The following SNTG1 variants were observed in gnomAD, a reference collection of about 807,000 sequenced individuals.
SNTG1 encodes the protein syntrophin gamma 1, also known as gamma-1-syntrophin.
A neutral mutation model predicts 74.7 loss-of-function variants in SNTG1; 39 were observed. The observed-to-expected ratio is 0.52, with a 90% CI of 0.40 to 0.68. The LOEUF (loss-of-function observed/expected upper bound fraction) is 0.68. SNTG1 is among the 30% of genes least tolerant of loss of function. The pLI is 0.00. For missense variants in SNTG1, 685 were observed against 609.5 expected, an observed-to-expected ratio of 1.12 and a Z score of -1.30; for synonymous variants, 254 against 217.1, an observed-to-expected ratio of 1.17 and a Z score of -1.49.
intron 18 of SNTG1, among the ~76,000 whole-genome samples, chr8:50,763,675 T>A: frequency 6.7e-6 from 1 of 148,720 alleles, no homozygotes; most frequent in East Asian, 2.1e-4. Context: ...TGTGTGTGTG[T>A]GTGTGTGTGT....
chr8:50,650,039 G>A (rs1043235539), intron 13 of SNTG1, among the ~76,000 whole-genome samples: 8 of 150,992 alleles, frequency 5.3e-5, no homozygotes, highest in Admixed American at 2.6e-4. Context: ...GATTGTTAGT[G>A]GTGGTAGTGT....
At chr8:50,319,306 G>C (rs1233455049) in intron 2 of SNTG1, among the ~76,000 whole-genome samples, 4 of 152,144 alleles carry the variant, frequency 2.6e-5, no homozygotes, top group Non-Finnish European at 5.9e-5. Flanking sequence ...GGAGATTTCA[G>C]TGAGCTGAGA....
At chr8:50,739,024 C>G (rs1038090625) in intron 17 of SNTG1, among the ~76,000 whole-genome samples, 1 of 151,988 alleles carries the variant, frequency 6.6e-6, no homozygotes. Flanking sequence ...ATGACTAAGA[C>G]ACAAAAAGCA....
intron 4 of SNTG1, among the ~76,000 whole-genome samples, chr8:50,413,527 T>C (rs1468385593): frequency 1.3e-5 from 2 of 152,204 alleles, no homozygotes; most frequent in African/African-American, 4.8e-5. Context: ...CGCCCCATGG[T>C]AATCTGCTGT....
intron 12 of SNTG1, among the ~76,000 whole-genome samples, chr8:50,567,119 A>C (rs941858739): frequency 1.3e-4 from 20 of 152,060 alleles, no homozygotes; most frequent in African/African-American, 4.8e-4. Context: ...ATGTTGATGA[A>C]ACTGGACAAA....
intron 13 of SNTG1, among the ~76,000 whole-genome samples, chr8:50,594,999 G>T (rs10092765): frequency 0.96 from 146,432 of 151,924 alleles, 70,616 homozygotes; most frequent in East Asian, 1. Flanking sequence ...TTTAATTCAT[G>T]AAATTTTAGC....
intron 1 of SNTG1, among the ~76,000 whole-genome samples, chr8:50,053,107 T>G (rs1819715072): frequency 6.6e-6 from 1 of 152,044 alleles, no homozygotes; most frequent in Non-Finnish European, 1.5e-5. Flanking sequence ...TGAACACACA[T>G]TAACAGAAAT....
intron 15 of SNTG1, among the ~76,000 whole-genome samples, chr8:50,703,354 A>C (rs1159336767): frequency 1.3e-5 from 2 of 151,590 alleles, no homozygotes; most frequent in East Asian, 3.9e-4. Flanking sequence ...ATAAGACAGA[A>C]ACACACACAT....
At chr8:50,727,488 C>T (rs933177608) in intron 17 of SNTG1, among the ~76,000 whole-genome samples, 7 of 152,170 alleles carry the variant, frequency 4.6e-5, no homozygotes, top group Admixed American at 1.3e-4. Flanking sequence ...GTGCACATCT[C>T]CCATTCCACA....
intron 2 of SNTG1, among the ~76,000 whole-genome samples, chr8:50,173,404 A>G (rs1051405793): frequency 4.6e-5 from 7 of 152,162 alleles, no homozygotes; most frequent in African/African-American, 1.7e-4. Context: ...GACTTGTAGT[A>G]TGGCTTTAGT....
chr8:49,927,159 G>T (rs1438687987), intron 1 of SNTG1, among the ~76,000 whole-genome samples: 1 of 152,166 alleles, frequency 6.6e-6, no homozygotes, highest in South Asian at 2.1e-4. Context: ...TGGTAGAAAT[G>T]CAAAATGGTA....
At chr8:50,640,277 T>C (rs893817447) in intron 13 of SNTG1, among the ~76,000 whole-genome samples, 4 of 152,148 alleles carry the variant, frequency 2.6e-5, no homozygotes, top group African/African-American at 7.2e-5. Context: ...CCCACTGTCC[T>C]ATTCTGAACA....
Position 49,978,074 on chromosome 8 carries a change from G to A in SNTG1, c.-103+65843G>A, listed in dbSNP as rs578142573. ...GCCTGTTGCCAACCCAGCTCACAACGGTCCACTCAACCTAATGGACGTTGG... is the reference window on the plus strand; with the variant it reads ...GCCTGTTGCCAACCCAGCTCACAACAGTCCACTCAACCTAATGGACGTTGG... On this transcript the variant is annotated intron_variant, in intron 1 of 18. Transcript: ENST00000642720. 3.7e-3 allele frequency among the ~76,000 whole-genome samples: 563 copies of A among 152,264 alleles called. 2 individuals carry two copies. Among genetic ancestry groups the A allele is most frequent in the South Asian group, 0.015 (73 of 4,824 alleles).
At chr8:50,138,738 A>G (rs2081563038) in intron 1 of SNTG1, among the ~76,000 whole-genome samples, 2 of 151,530 alleles carry the variant, frequency 1.3e-5, no homozygotes, top group South Asian at 4.1e-4. Flanking sequence ...GGTGAGTGCC[A>G]TTTGCAGGCA....
chr8:50,599,841 A>G (rs547150824), intron 13 of SNTG1, among the ~76,000 whole-genome samples: 4 of 152,132 alleles, frequency 2.6e-5, no homozygotes, highest in African/African-American at 4.8e-5. Flanking sequence ...TTCCAGTACT[A>G]TTTTGAGTAA....
chr8:50,504,387 G>A (rs562120656), intron 9 of SNTG1, among the ~76,000 whole-genome samples: 3 of 152,248 alleles, frequency 2.0e-5, no homozygotes, highest in South Asian at 2.1e-4. Context: ...ATCACTGGAA[G>A]CTTCTTGTAT....
intron 12 of SNTG1, among the ~76,000 whole-genome samples, chr8:50,589,971 G>A (rs1297271204): frequency 1.3e-5 from 2 of 152,130 alleles, no homozygotes; most frequent in Non-Finnish European, 2.9e-5. Context: ...TACATTTTAA[G>A]TGAGAAATAT....
At chr8:50,634,695 C>T (rs2095027528) in intron 13 of SNTG1, among the ~76,000 whole-genome samples, 1 of 152,048 alleles carries the variant, frequency 6.6e-6, no homozygotes, top group Non-Finnish European at 1.5e-5. Flanking sequence ...TTTGCTTGTG[C>T]ACATTGGTGG....
intron 9 of SNTG1, among the ~76,000 whole-genome samples, chr8:50,504,987 TC>T (rs1412597420): frequency 1.3e-5 from 2 of 152,108 alleles, no homozygotes; most frequent in African/African-American, 4.8e-5. Context: ...CTTAAACAAT[TC>T]CCTATTTTCC....
Sources: gnomAD v4.1 joint callset for allele counts (sites outside exome capture counted in the v4.1 genomes callset) on GRCh38, gnomAD v4.1.1 for gene constraint, MANE v1.5 for transcripts, NCBI Gene and HGNC (gene_info 2026-07-23, HGNC 2026-07-21) for gene names.